NBEA: variants seen among roughly 807,000 people sequenced by gnomAD.
NBEA encodes neurobeachin, also known as lysosomal-trafficking regulator 2.
In NBEA, 44 loss-of-function variants were observed where a neutral mutation model predicts 343.4. The ratio of observed to expected loss-of-function variants is 0.13; its 90% confidence interval spans 0.10 to 0.16. NBEA has a LOEUF of 0.16. Ranked by LOEUF, NBEA falls within the 10% of genes least tolerant of loss-of-function variation. The pLI is 1.00. For synonymous variants in NBEA, 1,175 were observed against 1,238.7 expected (o/e 0.95, Z 1.08); for missense variants, 2,555 against 3,631.3 (o/e 0.70, Z 7.62).
chr13:35,598,549 C>G (rs3794394), intron 47 of NBEA, among the ~76,000 whole-genome samples: 75,939 of 152,080 alleles, frequency 0.5, 20,349 homozygotes, highest in Admixed American at 0.63. Flanking sequence ...CAAGTTGGTA[C>G]AGCAGCTTTA....
chr13:35,266,615 C>T (rs563468085), intron 34 of NBEA, among the ~76,000 whole-genome samples: 7 of 151,670 alleles, frequency 4.6e-5, no homozygotes, highest in East Asian at 3.9e-4. Context: ...ATCTCACTCA[C>T]GTGTGGAATA....
At chr13:35,512,161 T>A (rs1025662976) in intron 41 of NBEA, among the ~76,000 whole-genome samples, 1 of 152,190 alleles carries the variant, frequency 6.6e-6, no homozygotes, top group Non-Finnish European at 1.5e-5. Context: ...ATTAGTTGTG[T>A]TTGCACTACA....
At chr13:34,979,189 C>G (rs919361815) in intron 1 of NBEA, among the ~76,000 whole-genome samples, 7 of 152,072 alleles carry the variant, frequency 4.6e-5, no homozygotes, top group Non-Finnish European at 1.0e-4. Flanking sequence ...TCTGGGATGG[C>G]CAGTGATGTC....
At chr13:35,468,713 A>G (rs578202779) in intron 40 of NBEA, among the ~76,000 whole-genome samples, 2 of 152,254 alleles carry the variant, frequency 1.3e-5, no homozygotes, top group South Asian at 4.1e-4. Context: ...TCAACTACAG[A>G]TGTGTTCTTG....
intron 45 of NBEA, among the ~76,000 whole-genome samples, chr13:35,573,233 A>G (rs1303749122): frequency 2.0e-5 from 3 of 152,202 alleles, no homozygotes; most frequent in African/African-American, 7.2e-5. Flanking sequence ...ATTTATTTAA[A>G]TTAATACTTT....
chr13:35,128,697 A>T (rs2067257375), intron 17 of NBEA, among the ~76,000 whole-genome samples: 1 of 152,142 alleles, frequency 6.6e-6, no homozygotes, highest in South Asian at 2.1e-4. Context: ...GAAAAATAGC[A>T]ACTCATCTAA....
At chr13:35,591,070 A>G (rs553762111) in intron 46 of NBEA, among the ~76,000 whole-genome samples, 2 of 152,212 alleles carry the variant, frequency 1.3e-5, no homozygotes, top group South Asian at 4.1e-4. Flanking sequence ...ACTCTGTGCC[A>G]GGTAAGATAC....
At chr13:35,259,780 G>A (rs979156534) in intron 34 of NBEA, among the ~76,000 whole-genome samples, 1 of 152,030 alleles carries the variant, frequency 6.6e-6, no homozygotes, top group Non-Finnish European at 1.5e-5. Context: ...CTTTCAAAAA[G>A]CCACTGAAAT....
At chr13:35,660,820 T>A (rs2153084734) in intron 55 of NBEA, among the ~76,000 whole-genome samples, 2 of 152,354 alleles carry the variant, frequency 1.3e-5, no homozygotes, top group Middle Eastern at 6.8e-3. Context: ...TAAACAAGTT[T>A]GTATCACTTC....
chr13:34,988,542 C>T lies in NBEA; in HGVS notation c.294+45428C>T, dbSNP rs772404651. Among the ~76,000 whole-genome samples the T allele has an allele frequency of 4.6e-5, 7 of 150,830 alleles. 1 individual carries two copies. The highest frequency in any genetic ancestry group is 2.4e-5 in the African/African-American group (1 of 41,304). On this transcript the variant is annotated intron_variant, in intron 1 of 58. Transcript: ENST00000379939. ...CCTGCCAGGCTGCTGCCTCACAGGT[C>T]GATATCAGACTGCTGTGCTAGCAGT...
intron 34 of NBEA, among the ~76,000 whole-genome samples, chr13:35,255,410 G>C (rs1239839652): frequency 6.6e-6 from 1 of 152,226 alleles, no homozygotes; most frequent in East Asian, 1.9e-4. Context: ...AGCTCATGCT[G>C]CTGGCCTAGA....
chr13:35,277,394 G>T (rs1205724377), intron 34 of NBEA, among the ~76,000 whole-genome samples: 4 of 151,926 alleles, frequency 2.6e-5, no homozygotes, highest in Non-Finnish European at 2.9e-5. Flanking sequence ...GGCCGAGGTG[G>T]GTAGATCACT....
At chr13:35,593,067 G>A (rs758672687) in intron 46 of NBEA, 116 of 335,660 alleles carry the variant, frequency 3.5e-4, no homozygotes, top group Admixed American at 4.1e-4. Context: ...TCAGAAAATC[G>A]TAGAGCACTG....
rs71081251 is a variant in NBEA at position 35,400,196 on chromosome 13, TAAAAAAAAAAAA to T, written c.6180-32056_6180-32045del. Among the ~76,000 whole-genome samples the T allele has an allele frequency of 1.2e-4, 9 of 78,226 alleles. No homozygotes were observed. The East Asian group carries it at 1.2e-3, about 10-fold the overall frequency. The allele number at this position is 78,226 out of a possible 152,430, so 51.3% of individuals were successfully genotyped here. On this transcript the variant is annotated intron_variant, in intron 38 of 58. Coordinates refer to ENST00000379939, the MANE Select transcript of NBEA (RefSeq NM_001385012.1). The stretch of plus-strand genomic sequence containing the variant: ...AGGGTTGCCACAACTCTTCAATTTG[TAAAAAAAAAAAA>T]AAAAAAAAAAAAAAAAGTATCTGTG...
chr13:35,372,379 C>T (rs1034257084), intron 38 of NBEA, among the ~76,000 whole-genome samples: 1 of 152,154 alleles, frequency 6.6e-6, no homozygotes. Context: ...GGGAAGTACT[C>T]AGGTGGCAAC....
At chr13:35,643,048 C>T (rs1253310596) in intron 49 of NBEA, among the ~76,000 whole-genome samples, 1 of 150,550 alleles carries the variant, frequency 6.6e-6, no homozygotes, top group African/African-American at 2.4e-5. Context: ...AATGACATTT[C>T]TGGATAATAT....
intron 37 of NBEA, among the ~76,000 whole-genome samples, chr13:35,350,728 ATGTGTGTGTGTGTG>A (rs34088295): frequency 0.019 from 2,581 of 137,944 alleles, 32 homozygotes; most frequent in African/African-American, 0.031. Flanking sequence ...AGAGCTATTG[ATGTGTGTGTGTGTG>A]TGTGTGTGTG....
chr13:35,013,748 C>G (rs139160855), intron 1 of NBEA, among the ~76,000 whole-genome samples: 1 of 152,114 alleles, frequency 6.6e-6, no homozygotes, highest in Non-Finnish European at 1.5e-5. Context: ...GGATTACAGG[C>G]GTGAGCCACT....
chr13:35,474,971 G>T (rs2075797308), intron 41 of NBEA: 3 of 1,356,570 alleles, frequency 2.2e-6, no homozygotes, highest in African/African-American at 1.5e-5. Flanking sequence ...TTGCACTGCG[G>T]AGTGGAATAT....
Sources: allele counts gnomAD v4.1 joint callset (sites outside exome capture counted in the v4.1 genomes callset), GRCh38; gene constraint gnomAD v4.1.1; transcripts MANE v1.5; gene names NCBI Gene and HGNC (gene_info 2026-07-23, HGNC 2026-07-21).